Variants in PTPRK observed in about 807,000 individuals in gnomAD.
PTPRK encodes protein tyrosine phosphatase receptor type K.
Under a neutral mutation model 178.0 loss-of-function variants are expected in PTPRK, and 75 were observed. The ratio of observed to expected loss-of-function variants is 0.42; its 90% CI spans 0.35 to 0.51. PTPRK has a LOEUF of 0.51. Ranked by LOEUF, PTPRK falls within the 20% of genes least tolerant of loss-of-function variation. The probability of loss-of-function intolerance (pLI) is 0.02; values close to 1 mark genes in which losing one functional copy is unlikely to be tolerated. For synonymous variants in PTPRK, 637 were observed against 620.6 expected (o/e 1.03, Z -0.39); for missense variants, 1,441 against 1,797.8 (o/e 0.80, Z 3.59).
At chr6:128,063,988 C>A (rs1404013778) in intron 13 of PTPRK, among the ~76,000 whole-genome samples, 1 of 152,174 alleles carries the variant, frequency 6.6e-6, no homozygotes, top group African/African-American at 2.4e-5. Context: ...AGAACCAACC[C>A]TTTGAGGAGG....
chr6:128,253,475 T>C (rs1816806774), intron 3 of PTPRK, among the ~76,000 whole-genome samples: 1 of 152,214 alleles, frequency 6.6e-6, no homozygotes, highest in South Asian at 2.1e-4. Context: ...ATTTTATAGT[T>C]AGTTGTCTGG....
intron 3 of PTPRK, among the ~76,000 whole-genome samples, chr6:128,251,412 A>C (rs1363050093): frequency 6.6e-6 from 1 of 152,172 alleles, no homozygotes; most frequent in Non-Finnish European, 1.5e-5. Flanking sequence ...GATTTTAGCT[A>C]TCCTTAGCAC....
intron 6 of PTPRK, among the ~76,000 whole-genome samples, chr6:128,197,524 T>G (rs1369568456): frequency 2.0e-5 from 3 of 152,140 alleles, no homozygotes; most frequent in Non-Finnish European, 4.4e-5. Context: ...CAAAATTTAT[T>G]TTAATATATA....
intron 6 of PTPRK, among the ~76,000 whole-genome samples, chr6:128,199,260 C>T (rs767469372): frequency 5.3e-5 from 8 of 152,108 alleles, no homozygotes; most frequent in African/African-American, 9.7e-5. Flanking sequence ...CACAGTCACA[C>T]AACAAGATTT....
chr6:128,507,391 G>T (rs1172749382), intron 1 of PTPRK, among the ~76,000 whole-genome samples: 1 of 152,218 alleles, frequency 6.6e-6, no homozygotes, highest in Non-Finnish European at 1.5e-5. Flanking sequence ...GGCCATGTGG[G>T]CCTCTTTTAA....
chr6:128,248,243 A>G (rs1815830514), intron 3 of PTPRK, among the ~76,000 whole-genome samples: 1 of 152,214 alleles, frequency 6.6e-6, no homozygotes, highest in African/African-American at 2.4e-5. Flanking sequence ...CACAAAGTAG[A>G]CATTCAACAA....
chr6:128,288,741 G>GAAT lies in PTPRK; in HGVS notation c.495+33297_495+33298insATT, dbSNP rs1314643641. Among the ~76,000 whole-genome samples, 15 of 152,132 alleles carry GAAT rather than the reference G, an allele frequency of 9.9e-5. No homozygotes were observed. The East Asian group carries it at 2.3e-3, about 24-fold the overall frequency. On this transcript the variant is annotated intron_variant, in intron 3 of 29. Coordinates refer to ENST00000368226, the MANE Select transcript of PTPRK (RefSeq NM_002844.4). The stretch of plus-strand genomic sequence containing the variant: ...ACTGTTTATTCATCCTCATATGCTT[G>GAAT]AAATACTCTCCCCCTTCACACTCTA...
chr6:128,223,905 C>A (rs1305798267), intron 5 of PTPRK, among the ~76,000 whole-genome samples: 1 of 152,152 alleles, frequency 6.6e-6, no homozygotes, highest in Admixed American at 6.5e-5. Context: ...TCCTATCCAA[C>A]AAATTGATTA....
intron 10 of PTPRK, among the ~76,000 whole-genome samples, chr6:128,080,256 C>T (rs1346147024): frequency 6.6e-6 from 1 of 151,950 alleles, no homozygotes; most frequent in East Asian, 1.9e-4. Flanking sequence ...GAACTTTGGG[C>T]TCATGGGGAG....
chr6:128,352,943 A>C (rs967167998), intron 2 of PTPRK, among the ~76,000 whole-genome samples: 2 of 152,212 alleles, frequency 1.3e-5, no homozygotes, highest in Admixed American at 1.3e-4. Flanking sequence ...CATTTTTTAC[A>C]AATGTATACA....
At chr6:128,245,151 A>C (rs918390613) in intron 3 of PTPRK, among the ~76,000 whole-genome samples, 1 of 152,172 alleles carries the variant, frequency 6.6e-6, no homozygotes, top group Non-Finnish European at 1.5e-5. Flanking sequence ...TGTTCATTTT[A>C]AAGAAAAGTA....
intron 3 of PTPRK, among the ~76,000 whole-genome samples, chr6:128,312,265 C>T (rs916419926): frequency 1.3e-5 from 2 of 152,132 alleles, no homozygotes; most frequent in Non-Finnish European, 2.9e-5. Flanking sequence ...AGTTACTTCA[C>T]AGAAAGGCAG....
At chr6:128,078,331 T>C (rs150180616) in intron 11 of PTPRK, among the ~76,000 whole-genome samples, 2 of 152,034 alleles carry the variant, frequency 1.3e-5, no homozygotes, top group Non-Finnish European at 2.9e-5. Flanking sequence ...TAAACAAAAA[T>C]AAAACTCTCC....
intron 7 of PTPRK, among the ~76,000 whole-genome samples, chr6:128,176,166 T>C (rs1464265031): frequency 1.3e-5 from 2 of 151,906 alleles, no homozygotes; most frequent in Non-Finnish European, 2.9e-5. Flanking sequence ...TATATATGCA[T>C]ATGTGTGTGT....
At chr6:127,999,896 C>T in intron 15 of PTPRK, 1 of 833,788 alleles carries the variant, frequency 1.2e-6, no homozygotes, top group Non-Finnish European at 1.4e-6. Context: ...AAGCGTAAGT[C>T]CCTTCCCAAT....
intron 7 of PTPRK, among the ~76,000 whole-genome samples, chr6:128,183,888 G>A (rs1050779249): frequency 1.3e-5 from 2 of 152,120 alleles, no homozygotes; most frequent in African/African-American, 4.8e-5. Context: ...TAAAGTGTAA[G>A]GAAAATCTCT....
intron 7 of PTPRK, among the ~76,000 whole-genome samples, chr6:128,171,633 G>T (rs1800270937): frequency 1.3e-5 from 2 of 151,918 alleles, no homozygotes; most frequent in Admixed American, 6.6e-5. Flanking sequence ...TTGTAATAAG[G>T]GAGCAGCTCT....
At chr6:128,142,155 T>C (rs754999147) in intron 7 of PTPRK, among the ~76,000 whole-genome samples, 2 of 152,002 alleles carry the variant, frequency 1.3e-5, no homozygotes, top group Non-Finnish European at 2.9e-5. Context: ...ATAGATACAA[T>C]ACAGCTATTG....
rs185746418 is a variant in PTPRK at position 128,508,095 on chromosome 6, C to T, written c.100+12164G>A. 7.4e-4 allele frequency among the ~76,000 whole-genome samples: 113 copies of T among 152,258 alleles called. 1 individual carries two copies. In the South Asian group the frequency reaches 0.014, roughly 19 times the overall value. On this transcript the variant is annotated intron_variant, in intron 1 of 29. Transcript: ENST00000368226. ...AAGACAGACAGAGCTTTGACACTTG[C>T]CACATCTCAGGAGTATGGTCAGTTA...
Sources: allele counts gnomAD v4.1 joint callset (sites outside exome capture counted in the v4.1 genomes callset), GRCh38; gene constraint gnomAD v4.1.1; transcripts MANE v1.5; gene names NCBI Gene and HGNC (gene_info 2026-07-23, HGNC 2026-07-21).